ZNF106: variants seen among roughly 807,000 people sequenced by gnomAD.
The protein encoded by ZNF106 is SH3-domain binding protein 3.
Under a neutral mutation model 195.1 loss-of-function variants are expected in ZNF106, and 67 were observed. The ratio of observed to expected loss-of-function variants is 0.34; its 90% confidence interval spans 0.28 to 0.42. ZNF106 has a LOEUF of 0.42. Among genes scored for constraint, ZNF106 ranks in the 10% least tolerant of loss-of-function variants. The pLI, the probability that ZNF106 is intolerant of heterozygous loss-of-function variation, is 1.00. For synonymous variants in ZNF106, 784 were observed against 818.6 expected (o/e 0.96, Z 0.72); for missense variants, 2,118 against 2,304.5 (o/e 0.92, Z 1.66).
intron 14 of ZNF106, among the ~76,000 whole-genome samples, chr15:42,429,064 T>TCC (rs939624155): frequency 2.6e-4 from 39 of 151,820 alleles, no homozygotes; most frequent in Admixed American, 1.6e-3. Flanking sequence ...GAAAACGATT[T>TCC]CTACCAATTT....
intron 2 of ZNF106, 66 bp from the exon 3 acceptor site, chr15:42,466,180 T>C: frequency 3.8e-6 from 5 of 1,305,034 alleles, no homozygotes; most frequent in Non-Finnish European, 5.1e-6. Context: ...AACTCCTCTG[T>C]TCCTCCTCAA....
At chr15:42,424,267 C>A (rs933139495) in intron 16 of ZNF106, 3 of 522,212 alleles carry the variant, frequency 5.7e-6, no homozygotes, top group Non-Finnish European at 6.8e-6. Context: ...TGTATTATTA[C>A]GTTTGTTACC....
intron 14 of ZNF106, among the ~76,000 whole-genome samples, chr15:42,435,054 G>C (rs149003204): frequency 6.6e-6 from 1 of 152,174 alleles, no homozygotes; most frequent in Non-Finnish European, 1.5e-5. Context: ...GATTAGAGGC[G>C]TGAGCCACTG....
chr15:42,419,111 G>A (rs1191185508), intron 20 of ZNF106, among the ~76,000 whole-genome samples: 16 of 150,576 alleles, frequency 1.1e-4, no homozygotes. Flanking sequence ...GCTCACACCT[G>A]TAATCCTAGC....
intron 1 of ZNF106, among the ~76,000 whole-genome samples, chr15:42,479,518 G>A (rs1450204220): frequency 1.3e-5 from 2 of 152,088 alleles, no homozygotes; most frequent in Non-Finnish European, 2.9e-5. Flanking sequence ...GTTGTTGTGT[G>A]GAAATCATTT....
chr15:42,457,504 G>A, intron 3 of ZNF106: 1 of 1,154,904 alleles, frequency 8.7e-7, no homozygotes, highest in Non-Finnish European at 1.1e-6. Context: ...AAGTTGCTCT[G>A]GAGCACACCC....
At chr15:42,435,249 T>C (rs1425359159) in intron 14 of ZNF106, 135 bp downstream of exon 14, 1 of 1,214,856 alleles carries the variant, frequency 8.2e-7, no homozygotes, top group Non-Finnish European at 1.2e-6. Flanking sequence ...GCTACAACAA[T>C]GTGCTAAACA....
Position 42,450,005 on chromosome 15 carries a change from G to A in ZNF106, c.2267C>T (p.Thr756Ile). 1 of 1,614,178 alleles carries A rather than the reference G, an allele frequency of 6.2e-7. No individual in the cohort carries two copies. The highest frequency in any genetic ancestry group is 8.5e-7 in the Non-Finnish European group (1 of 1,180,030). Residue 756 changes from threonine (T) to isoleucine (I), a missense_variant, in exon 5 of 22, where the codon ACC (threonine) becomes ATC (isoleucine). Transcript: ENST00000564754. ...TTTGCTCTTCAAACTAATGTGCCGG[G>A]TTAGATCCCTCTGAAGTGAGGCAGG... ...GFPASLQRDL[T>I]RHISLKSKTG...
chr15:42,429,447 A>G (rs74639413), intron 14 of ZNF106, among the ~76,000 whole-genome samples: 6,191 of 151,720 alleles, frequency 0.041, 481 homozygotes, highest in African/African-American at 0.14. Flanking sequence ...TCAATTAAAA[A>G]AAAAAAAATT....
At chr15:42,420,624 A>G (rs1319088510) in intron 20 of ZNF106, among the ~76,000 whole-genome samples, 4 of 152,226 alleles carry the variant, frequency 2.6e-5, no homozygotes, top group Non-Finnish European at 5.9e-5. Context: ...AATAGTGTGA[A>G]AATTTTAAGG....
chr15:42,442,189 G>C lies in ZNF106; in HGVS notation c.3647C>G (p.Pro1216Arg). The change falls in exon 10 of 22, where the codon CCA (proline) becomes CGA (arginine). Residue 1216 changes from proline (P) to arginine (R), a missense_variant. Pro to Arg is a moderately radical substitution (Grantham distance 103). Transcript: ENST00000564754. ...TTGTTTAATCTGAACTGATGAGTCT[G>C]GAGCAGGGACACTGCCATGGGTTTG... ...TFQTHGSVPA[P>R]DSSVQIKQEP... 6.2e-7 allele frequency: 1 copy of C among 1,614,196 alleles called. No individual in the cohort carries two copies. The highest frequency in any genetic ancestry group is 8.5e-7 in the Non-Finnish European group (1 of 1,180,018).
chr15:42,474,205 T>C (rs969323323), intron 1 of ZNF106, among the ~76,000 whole-genome samples: 23 of 152,226 alleles, frequency 1.5e-4, no homozygotes, highest in African/African-American at 5.5e-4. Context: ...TGGAATAGTT[T>C]ATGAACAAGT....
At chr15:42,452,871 A>G (rs1252717238) in intron 4 of ZNF106, among the ~76,000 whole-genome samples, 3 of 151,712 alleles carry the variant, frequency 2.0e-5, no homozygotes, top group Admixed American at 1.3e-4. Context: ...TTTTTAGTAG[A>G]GACGGGGTTT....
chr15:42,434,620 C>T (rs935019434), intron 14 of ZNF106, among the ~76,000 whole-genome samples: 3 of 152,220 alleles, frequency 2.0e-5, no homozygotes, highest in Admixed American at 1.3e-4. Context: ...GCTTCACATA[C>T]CTCCATCTTT....
chr15:42,479,465 TC>T (rs1158111018), intron 1 of ZNF106, among the ~76,000 whole-genome samples: 1 of 152,240 alleles, frequency 6.6e-6, no homozygotes, highest in Non-Finnish European at 1.5e-5. Context: ...CAGCCCAGCA[TC>T]TGGTTTATAT....
At chr15:42,422,451 T>C (rs368592082) in intron 18 of ZNF106, 50 bp downstream of exon 18, 16 of 1,593,098 alleles carry the variant, frequency 1.0e-5, no homozygotes, top group Admixed American at 6.9e-5. Flanking sequence ...TAAACCCAAA[T>C]AGACAATCTC....
rs1224482781 is a variant in ZNF106 at position 42,448,131 on chromosome 15, T to C, written c.3076A>G (p.Thr1026Ala). The change falls in exon 6 of 22, where the codon ACC becomes GCC. Residue 1026 changes from threonine (T) to alanine (A), a missense_variant. Coordinates refer to ENST00000564754, the MANE Select transcript of ZNF106 (RefSeq NM_001366845.3). ...LADAATDSSC[T>A]SGAEQNDGQS... ...CCATCATTTTGTTCAGCACCAGAGG[T>C]ACAGCTACTATCTGTGGCTGCATCC... is the stretch of plus-strand genomic sequence containing the variant. 1 of 1,614,060 alleles carries C rather than the reference T, an allele frequency of 6.2e-7. No individual in the cohort carries two copies. Among genetic ancestry groups the C allele is most frequent in the South Asian group, 1.1e-5 (1 of 91,090 alleles).
chr15:42,416,472 T>C lies in ZNF106; in HGVS notation c.*832A>G, dbSNP rs990222644. 2 of 152,220 alleles carry C rather than the reference T, an allele frequency of 1.3e-5. No individual in the cohort carries two copies. Among genetic ancestry groups the C allele is most frequent in the African/African-American group, 4.8e-5 (2 of 41,382 alleles). The allele number at this position is 152,220 out of a possible 1,614,324, so 9.4% of individuals were successfully genotyped here. On this transcript the variant is annotated 3_prime_UTR_variant, in exon 22 of 22. Coordinates refer to ENST00000564754, the MANE Select transcript of ZNF106 (RefSeq NM_001366845.3). ...ACATTAGGCTTGCAGGGTCAGACAC[T>C]AGAAAGGAAGATAAAGGTACACCTC... is the stretch of plus-strand genomic sequence containing the variant.
intron 4 of ZNF106, among the ~76,000 whole-genome samples, chr15:42,452,681 C>CTTTTTT (rs1322441388): frequency 4.9e-5 from 5 of 101,902 alleles, no homozygotes; most frequent in Non-Finnish European, 7.5e-5. Context: ...CTATAGTTAT[C>CTTTTTT]TTTTTTTTTT....
Sources: gnomAD v4.1 joint callset for allele counts (sites outside exome capture counted in the v4.1 genomes callset) on GRCh38, gnomAD v4.1.1 for gene constraint, MANE v1.5 for transcripts, NCBI Gene and HGNC (gene_info 2026-07-23, HGNC 2026-07-21) for gene names.